DCTN1: variants seen among roughly 807,000 people sequenced by gnomAD.
DCTN1 encodes the protein 150 kDa dynein-associated polypeptide.
DCTN1 carries 61 observed loss-of-function variants against 161.2 expected under a neutral mutation model. The observed-to-expected ratio is 0.38, with a 90% CI of 0.31 to 0.47. The LOEUF (loss-of-function observed/expected upper bound fraction) is 0.47. Ranked by LOEUF, DCTN1 falls within the 20% of genes least tolerant of loss-of-function variation. The probability of loss-of-function intolerance (pLI) is 0.99; values close to 1 mark genes in which losing one functional copy is unlikely to be tolerated. For missense variants in DCTN1, 1,404 were observed against 1,623.7 expected (o/e 0.86, Z 2.33); for synonymous variants, 653 against 632.4 (o/e 1.03, Z -0.49).
chr2:74,390,399 A>G (rs570942337), intron 1 of DCTN1, among the ~76,000 whole-genome samples: 4 of 152,380 alleles, frequency 2.6e-5, no homozygotes, highest in Non-Finnish European at 1.5e-5. Flanking sequence ...TTCCAAGAAT[A>G]AAATGGGATG....
In DCTN1 at chr2:74,371,604, G is replaced by T; in HGVS notation, c.578C>A (p.Ala193Glu). ...GAGGACCGGCGTGGGGATGATGGGT[G>T]CTGCCAGCGGAGTCTGAGCCGGGGT... ...PSTPAQTPLA[A>E]PIIPTPVLTS... Residue 193 changes from alanine to glutamate, a missense_variant, in exon 8 of 32, where the codon GCA becomes GAA. This residue lies in a region of DCTN1 where 174 missense variants were observed against 175.6 expected (regional missense o/e 0.99). Transcript: ENST00000628224. The T allele has an allele frequency of 1.3e-6, 2 of 1,588,784 alleles. No homozygotes were observed. Among genetic ancestry groups the T allele is most frequent in the Non-Finnish European group, 1.7e-6 (2 of 1,168,106 alleles).
intron 1 of DCTN1, among the ~76,000 whole-genome samples, chr2:74,378,647 T>C (rs1316466752): frequency 6.6e-6 from 1 of 152,222 alleles, no homozygotes; most frequent in Non-Finnish European, 1.5e-5. Flanking sequence ...CTCAGGAGTC[T>C]GAGCTGGGAA....
chr2:74,363,291 C>G lies in DCTN1; in HGVS notation c.3345+3G>C. On this transcript the variant is annotated splice_donor_region_variant and intron_variant, in intron 28 of 31. Coordinates refer to ENST00000628224, the MANE Select transcript of DCTN1 (RefSeq NM_004082.5). ...ATCCCAGTCCTCCCCGTGGCTCCCT[C>G]ACCTTGAGGATGCTGTTCTCATGCT... The G allele has an allele frequency of 6.2e-7, 1 of 1,614,096 alleles. No homozygotes were observed.
chr2:74,372,975 G>T (rs770092393), intron 6 of DCTN1, 27 bp from the exon 7 acceptor site: 15 of 1,612,652 alleles, frequency 9.3e-6, no homozygotes. Flanking sequence ...AGCCAGAAGA[G>T]AAGTAGTCAG....
chr2:74,368,360 G>A (rs376812868), intron 16 of DCTN1: 51 of 639,308 alleles, frequency 8.0e-5, no homozygotes, highest in Middle Eastern at 4.3e-4. Context: ...TAGTGGGACC[G>A]GTGGAATCAA....
At chr2:74,374,302 G>A in intron 6 of DCTN1, 21 bp downstream of exon 6, 1 of 1,611,642 alleles carries the variant, frequency 6.2e-7, no homozygotes, top group Non-Finnish European at 8.5e-7. Context: ...CCAGCAGCAG[G>A]ACGAGAGCAA....
In DCTN1 at chr2:74,380,133, T is replaced by C. The variant is rs1295800211; in HGVS notation, c.-96A>G. On this transcript the variant is annotated 5_prime_UTR_variant, in exon 1 of 32. An upstream start codon of the reference 5' UTR is lost. Transcript: ENST00000628224. The stretch of plus-strand genomic sequence containing the variant: ...GGAGGGTCAGGGCGCTGGGCCCTCA[T>C]AGAGGGACACAGGAGTCGTCAGGCA... 15 of 1,376,066 alleles carry C rather than the reference T, an allele frequency of 1.1e-5. No homozygotes were observed. The highest frequency in any genetic ancestry group is 6.8e-5 in the Admixed American group (4 of 58,896). The allele number at this position is 1,376,066 out of a possible 1,614,324, so 85.2% of individuals were successfully genotyped here.
chr2:74,373,403 G>A (rs1267799710), intron 6 of DCTN1: 2 of 247,830 alleles, frequency 8.1e-6, no homozygotes, highest in African/African-American at 2.2e-5. Context: ...ACTCTACACA[G>A]AACTCCCTAG....
upstream of DCTN1, among the ~76,000 whole-genome samples, chr2:74,384,765 T>C (rs546388042): frequency 1.3e-3 from 198 of 152,352 alleles, 1 homozygote; most frequent in Middle Eastern, 0.017. Flanking sequence ...CAAACCTTGA[T>C]CCTGGGCTAA....
At chr2:74,382,516 G>A (rs373099057), upstream of DCTN1, among the ~76,000 whole-genome samples, 6 of 150,404 alleles carry the variant, frequency 4.0e-5, no homozygotes, top group African/African-American at 1.2e-4. Context: ...CATGAGAATC[G>A]CTTGAAGCCG....
upstream of DCTN1, chr2:74,380,703 CA>C: frequency 2.6e-6 from 1 of 391,146 alleles, no homozygotes; most frequent in Middle Eastern, 3.7e-4. Flanking sequence ...GCCTGGATTT[CA>C]ATCTCACACT....
chr2:74,381,689 T>C (rs1162285729), upstream of DCTN1, among the ~76,000 whole-genome samples: 5 of 152,210 alleles, frequency 3.3e-5, no homozygotes, highest in Admixed American at 3.3e-4. Context: ...TCAGGCTACT[T>C]TCCTGGCTTT....
chr2:74,367,255 AG>A, intron 19 of DCTN1, 96 bp downstream of exon 19: 4 of 1,544,788 alleles, frequency 2.6e-6, no homozygotes, highest in Non-Finnish European at 3.6e-6. Context: ...ACTCTGCCCT[AG>A]TCTTATGTGA....
Position 74,363,348 on chromosome 2 carries a change from G to C in DCTN1, c.3291C>G (p.Ile1097Met). The C allele has an allele frequency of 6.2e-7, 1 of 1,613,104 alleles. No homozygotes were observed. Among genetic ancestry groups the C allele is most frequent in the Non-Finnish European group, 8.5e-7 (1 of 1,179,582 alleles). ...GGGAGATGTGCAGCCTCATGGCAGA[G>C]ATCTGCTGAAGCAGCAGTGGTGAGT... ...VKDSPLLLQQ[I>M]SAMRLHISQL... Residue 1097 changes from isoleucine (I) to methionine (M), a missense_variant, in exon 28 of 32, where the codon ATC becomes ATG. Ile to Met is a conservative substitution (Grantham distance 10, BLOSUM62 1). Around this residue, in one of 9 missense-constraint regions of DCTN1, gnomAD observed 311 missense variants for 298.9 expected, o/e 1.04. Transcript: ENST00000628224.
chr2:74,388,283 T>C (rs1197088836), intron 1 of DCTN1, among the ~76,000 whole-genome samples: 1 of 152,104 alleles, frequency 6.6e-6, no homozygotes, highest in African/African-American at 2.4e-5. Flanking sequence ...GGGGGATCAC[T>C]TGAGGCCAGG....
chr2:74,374,599 C>T (rs1675111277), intron 5 of DCTN1: 2 of 1,275,614 alleles, frequency 1.6e-6, no homozygotes, highest in East Asian at 4.0e-5. Context: ...AGCTGGATCG[C>T]CAGGCTCCGG....
At chr2:74,374,152 G>T in intron 6 of DCTN1, 171 bp downstream of exon 6, 1 of 707,126 alleles carries the variant, frequency 1.4e-6, no homozygotes. Flanking sequence ...CAAATGCCCA[G>T]GGTGTGGGGC....
chr2:74,376,733 A>G lies in DCTN1; in HGVS notation c.414+9T>C. 6.2e-7 allele frequency: 1 copy of G among 1,604,210 alleles called. No homozygotes were observed. On this transcript the variant is annotated intron_variant, in intron 5 of 31. Transcript: ENST00000628224. ...CCATCCACCCAGGCACAAATAGTAA[A>G]CACACCACCTTCTTAGGCTTCAGTC...
upstream of DCTN1, among the ~76,000 whole-genome samples, chr2:74,382,800 C>T (rs1435458024): frequency 2.0e-5 from 3 of 151,980 alleles, no homozygotes; most frequent in South Asian, 4.2e-4. Context: ...AGGCCGGGCG[C>T]GGTGGCTCAC....
Sources: gnomAD v4.1 joint callset for allele counts (sites outside exome capture counted in the v4.1 genomes callset) on GRCh38, gnomAD v4.1.1 for gene constraint, gnomAD v4.1.1 regional missense constraint, MANE v1.5 for transcripts, NCBI Gene and HGNC (gene_info 2026-07-23, HGNC 2026-07-21) for gene names.